ABLIM2: variants seen among roughly 807,000 people sequenced by gnomAD.
The protein encoded by ABLIM2 is actin binding LIM protein family member 2.
Under a neutral mutation model 97.7 loss-of-function variants are expected in ABLIM2, and 53 were observed. The observed-to-expected ratio is 0.54, with a 90% CI of 0.44 to 0.68. The LOEUF (loss-of-function observed/expected upper bound fraction) is 0.68. ABLIM2 is among the 30% of genes least tolerant of loss of function. The pLI is 0.00. For missense variants in ABLIM2, 835 were observed against 867.2 expected, an observed-to-expected ratio of 0.96 and a Z score of 0.47; for synonymous variants, 361 against 345.8, an observed-to-expected ratio of 1.04 and a Z score of -0.49.
rs1820107643 is a variant in ABLIM2, at chr4:8,081,946, C to T, written c.455-1144G>A. Among the ~76,000 whole-genome samples, 4 of 152,128 alleles carry T rather than the reference C, an allele frequency of 2.6e-5. No individual in the cohort carries two copies. In the South Asian group the frequency reaches 8.3e-4, roughly 32 times the overall value. ...TGTGCGTCAGTGTGTGTGACTGGTG[C>T]GTGAGTGTGTCTACGTATGTGTTTG... is the stretch of plus-strand genomic sequence containing the variant. On this transcript the variant is annotated intron_variant, in intron 4 of 20. Coordinates refer to ENST00000447017, the MANE Select transcript of ABLIM2 (RefSeq NM_001130083.2).
In ABLIM2 at chr4:8,060,726, G is replaced by A. The variant is rs566883721; in HGVS notation, c.763+241C>T. On this transcript the variant is annotated intron_variant, in intron 7 of 20. Coordinates refer to ENST00000447017, the MANE Select transcript of ABLIM2 (RefSeq NM_001130083.2). ...ACTTCTGGGTGCTGGTCTTTGGCTC[G>A]GCCCTTTTCCTTTCTTGCTGGTCTC... Among the ~76,000 whole-genome samples the A allele has an allele frequency of 5.9e-5, 9 of 152,250 alleles. No homozygotes were observed. In the South Asian group the frequency reaches 8.3e-4, roughly 14 times the overall value.
chr4:8,105,269 T>TC (rs139971889), intron 2 of ABLIM2, among the ~76,000 whole-genome samples: 10,359 of 152,108 alleles, frequency 0.068, 1,083 homozygotes, highest in African/African-American at 0.22. Context: ...CCTGTGGGCA[T>TC]CCCCCCCTAC....
intron 8 of ABLIM2, among the ~76,000 whole-genome samples, chr4:8,047,187 G>A (rs990126064): frequency 1.1e-4 from 17 of 152,206 alleles, no homozygotes; most frequent in African/African-American, 4.1e-4. Context: ...GGGCAACCCT[G>A]AGTGCAAACT....
intron 1 of ABLIM2, among the ~76,000 whole-genome samples, chr4:8,131,881 C>T (rs1158083242): frequency 6.1e-5 from 9 of 147,260 alleles, no homozygotes; most frequent in Admixed American, 4.1e-4. Context: ...CACAGCAGCC[C>T]GCATCCCCTG....
chr4:8,064,318 A>G (rs991443839), intron 6 of ABLIM2, among the ~76,000 whole-genome samples: 1 of 152,210 alleles, frequency 6.6e-6, no homozygotes, highest in African/African-American at 2.4e-5. Flanking sequence ...GGGGGCCCTT[A>G]AGAGGGGAGC....
chr4:8,127,643 G>A lies in ABLIM2; in HGVS notation c.11-21006C>T, dbSNP rs1454849686. The stretch of plus-strand genomic sequence containing the variant: ...CTGCGTGGCTGGGCCTGGCACCCAC[G>A]GAGGATCGGGCAGGAGTGGACCGGG... On this transcript the variant is annotated intron_variant, in intron 1 of 20. Coordinates refer to ENST00000447017, the MANE Select transcript of ABLIM2 (RefSeq NM_001130083.2). This position sits in a 1 kb window ranked among gnomAD's most constrained non-coding sequence, Gnocchi z 7.3. 3.3e-5 allele frequency: 43 copies of A among 1,287,654 alleles called. No homozygotes were observed. Among genetic ancestry groups the A allele is most frequent in the Non-Finnish European group, 3.9e-5 (39 of 987,378 alleles). 79.8% of individuals were successfully genotyped at this position (1,287,654 alleles called of 1,614,324 possible).
intron 16 of ABLIM2, chr4:8,007,040 T>C: frequency 1.0e-6 from 1 of 985,464 alleles, no homozygotes; most frequent in Non-Finnish European, 1.2e-6. Flanking sequence ...TTGTTTAAAG[T>C]GATTCTTTAA....
chr4:8,131,645 C>T (rs548886793), intron 1 of ABLIM2, among the ~76,000 whole-genome samples: 18 of 148,400 alleles, frequency 1.2e-4, no homozygotes, highest in Admixed American at 8.0e-4. Flanking sequence ...CACAGCAGCC[C>T]GCATCCCCAG....
chr4:7,989,218 T>C (rs888708785), intron 17 of ABLIM2, among the ~76,000 whole-genome samples: 2 of 151,926 alleles, frequency 1.3e-5, no homozygotes, highest in Non-Finnish European at 2.9e-5. Flanking sequence ...AGCTGGGATA[T>C]TAGGCATGTG....
chr4:8,049,098 G>A (rs1472725416), intron 8 of ABLIM2, among the ~76,000 whole-genome samples: 1 of 152,104 alleles, frequency 6.6e-6, no homozygotes, highest in Non-Finnish European at 1.5e-5. Flanking sequence ...TCTCGGTCAC[G>A]GCGCCTCTGA....
intron 6 of ABLIM2, among the ~76,000 whole-genome samples, chr4:8,077,165 A>G (rs1471311042): frequency 6.6e-6 from 1 of 152,164 alleles, no homozygotes; most frequent in African/African-American, 2.4e-5. Context: ...CACAGGGAAC[A>G]TGCCCACATG....
chr4:8,138,431 A>G (rs1850481014), intron 1 of ABLIM2, among the ~76,000 whole-genome samples: 1 of 152,224 alleles, frequency 6.6e-6, no homozygotes, highest in Non-Finnish European at 1.5e-5. Context: ...GAGCAAAAAG[A>G]CCAAAGCTGG....
rs1200765404 is a variant in ABLIM2, at chr4:8,091,308, TA to T, written c.339-3025del. 1.2e-3 allele frequency among the ~76,000 whole-genome samples: 36 copies of T among 30,490 alleles called. 3 individuals carry two copies. In the South Asian group the frequency reaches 0.016, roughly 13 times the overall value. The allele number at this position is 30,490 out of a possible 152,430, so 20.0% of individuals were successfully genotyped here. A position where few individuals can be genotyped will look rare whatever the true frequency, so the allele number is the denominator to read the frequency against. Reference sequence around the variant, plus strand: ...ATATATAATATTATATATTATATTATATATATATAATTATATATATATTATA... The same window carrying T: ...ATATATAATATTATATATTATATTATTATATATAATTATATATATATTATA... On this transcript the variant is annotated intron_variant, in intron 3 of 20. Transcript: ENST00000447017.
intron 1 of ABLIM2, among the ~76,000 whole-genome samples, chr4:8,110,339 C>T (rs185038455): frequency 2.5e-3 from 384 of 152,288 alleles, no homozygotes; most frequent in African/African-American, 5.6e-3. Flanking sequence ...TTCAGATTCC[C>T]GGGGGACAGC....
intron 1 of ABLIM2, among the ~76,000 whole-genome samples, chr4:8,114,945 C>T (rs528949433): frequency 4.2e-4 from 64 of 152,296 alleles, no homozygotes; most frequent in African/African-American, 1.3e-3. Context: ...GAGACACCTG[C>T]GGGGCGCCCT....
chr4:7,981,274 C>T (rs1267337395), intron 20 of ABLIM2, among the ~76,000 whole-genome samples: 2 of 152,090 alleles, frequency 1.3e-5, no homozygotes, highest in Non-Finnish European at 2.9e-5. Context: ...CCAGATGCTC[C>T]TTTCTATTGA....
At chr4:8,063,351 C>T (rs140774419) in intron 6 of ABLIM2, among the ~76,000 whole-genome samples, 186 of 152,378 alleles carry the variant, frequency 1.2e-3, no homozygotes, top group African/African-American at 4.3e-3. Flanking sequence ...AGGCGTGAGC[C>T]ACCGTGTCCA....
Position 8,002,074 on chromosome 4 carries a change from C to T in ABLIM2, c.1618+5985G>A, listed in dbSNP as rs1757605109. Among the ~76,000 whole-genome samples, 1 of 152,172 alleles carries T rather than the reference C, an allele frequency of 6.6e-6. No individual in the cohort carries two copies. Among genetic ancestry groups the T allele is most frequent in the South Asian group, 2.1e-4 (1 of 4,826 alleles). On this transcript the variant is annotated intron_variant, in intron 16 of 20. Transcript: ENST00000447017. This position sits in a 1 kb window ranked among gnomAD's most constrained non-coding sequence, Gnocchi z 6.1. ...GACCCTCTTGAGAAAGGAACACAAA[C>T]TCAGGACACAGCCACGTACTCACAG...
chr4:8,110,646 G>A (rs534512645), intron 1 of ABLIM2, among the ~76,000 whole-genome samples: 1 of 150,688 alleles, frequency 6.6e-6, no homozygotes, highest in Admixed American at 6.6e-5. Context: ...AATATACTTG[G>A]TCGGGGGTGG....
Sources: allele counts gnomAD v4.1 joint callset (sites outside exome capture counted in the v4.1 genomes callset), GRCh38; gene constraint gnomAD v4.1.1; non-coding constraint Gnocchi (gnomAD v3.1); transcripts MANE v1.5; gene names NCBI Gene and HGNC (gene_info 2026-07-23, HGNC 2026-07-21).